Variants in FAM184A observed in about 807,000 individuals in gnomAD.
FAM184A encodes the protein protein FAM184A.
Under a neutral mutation model 143.8 loss-of-function variants are expected in FAM184A, and 99 were observed. The observed-to-expected ratio is 0.69, with a 90% CI of 0.58 to 0.81. FAM184A has a LOEUF of 0.81. Ranked by LOEUF, FAM184A falls within the 40% of genes least tolerant of loss-of-function variation. The pLI is 0.00. For synonymous variants in FAM184A, 427 were observed against 446.4 expected, an observed-to-expected ratio of 0.96 and a Z score of 0.55; for missense variants, 1,217 against 1,310.5, an observed-to-expected ratio of 0.93 and a Z score of 1.10.
intron 17 of FAM184A, 64 bp downstream of exon 17, chr6:118,961,697 G>A (rs1435136465): frequency 7.6e-7 from 1 of 1,316,382 alleles, no homozygotes; most frequent in Admixed American, 1.9e-5. Context: ...TTTCTGCAAT[G>A]TAAGAAGGTA....
At chr6:119,098,277 A>G (rs1788559800) in intron 1 of FAM184A, among the ~76,000 whole-genome samples, 1 of 152,206 alleles carries the variant, frequency 6.6e-6, no homozygotes, top group South Asian at 2.1e-4. Context: ...AGGCCTTCCC[A>G]GCCACGTGGA....
chr6:119,003,573 A>T lies in FAM184A; in HGVS notation c.1865T>A (p.Met622Lys). ...RQQHEETIAAMKEEEKLKVDK... is the reference protein window; with the variant it reads ...RQQHEETIAAKKEEEKLKVDK... ...CACTTTGAGCTTCTCTTCTTCTTTC[A>T]TGGCAGCAATTGTTTCTTCATGCTG... Residue 622 changes from methionine to lysine, a missense_variant, in exon 8 of 18, where the codon ATG (methionine) becomes AAG (lysine). By Grantham distance (95) the Met-to-Lys change is moderately conservative. Transcript: ENST00000338891. 6.2e-7 allele frequency: 1 copy of T among 1,612,738 alleles called. No individual in the cohort carries two copies. Among genetic ancestry groups the T allele is most frequent in the Non-Finnish European group, 8.5e-7 (1 of 1,179,330 alleles).
At chr6:119,053,584 T>C (rs9401118) in intron 1 of FAM184A, among the ~76,000 whole-genome samples, 64,020 of 152,072 alleles carry the variant, frequency 0.42, 15,302 homozygotes, top group East Asian at 0.75. Context: ...TTGATCACTA[T>C]GGCAATATTT....
At chr6:119,117,318 A>C (rs1789085963) in intron 1 of FAM184A, among the ~76,000 whole-genome samples, 1 of 152,214 alleles carries the variant, frequency 6.6e-6, no homozygotes, top group Admixed American at 6.5e-5. Flanking sequence ...GCCCTTAACT[A>C]GGCTAGGAAA....
chr6:118,986,829 T>C (rs1784211574), intron 9 of FAM184A, among the ~76,000 whole-genome samples: 1 of 152,220 alleles, frequency 6.6e-6, no homozygotes, highest in Non-Finnish European at 1.5e-5. Flanking sequence ...AAAATGTCTA[T>C]ATTGATATAG....
Position 118,976,005 on chromosome 6 carries a change from G to C in FAM184A, c.2495C>G (p.Ala832Gly). 6.2e-7 allele frequency: 1 copy of C among 1,613,252 alleles called. No homozygotes were observed. The highest frequency in any genetic ancestry group is 8.5e-7 in the Non-Finnish European group (1 of 1,179,802). Residue 832 changes from alanine (A) to glycine (G), a missense_variant, in exon 12 of 18, where the codon GCA becomes GGA. Physicochemically the swap from Ala to Gly is moderately conservative, Grantham distance 60 (BLOSUM62 0). Transcript: ENST00000338891. The part of the protein sequence containing the change: ...RSELNHQHAA[A>G]IDLLRHNHHQ... ...ATGATTATGCCGTAACAAATCAATTGCAGCTGCATGTTGATGGTTGAGTTC... is the reference window on the plus strand; with the variant it reads ...ATGATTATGCCGTAACAAATCAATTCCAGCTGCATGTTGATGGTTGAGTTC...
intron 7 of FAM184A, among the ~76,000 whole-genome samples, chr6:119,003,918 G>T (rs995232330): frequency 6.6e-6 from 1 of 151,992 alleles, no homozygotes; most frequent in Non-Finnish European, 1.5e-5. Flanking sequence ...CATATATTAG[G>T]TATCTAACGG....
intron 14 of FAM184A, among the ~76,000 whole-genome samples, chr6:118,970,471 G>A (rs546490032): frequency 4.1e-4 from 62 of 152,088 alleles, no homozygotes; most frequent in African/African-American, 1.4e-3. Flanking sequence ...TAGAATAAAG[G>A]ATAAAATTTT....
chr6:118,974,531 C>T lies in FAM184A; in HGVS notation c.2812G>A (p.Asp938Asn). ...DLNKRLEKEL[D>N]VMTADHLREK... is the part of the protein sequence containing the mutation. ...CTGAGGTGGTCTGCTGTCATGACATCCAACTCTTTTTCAAGTCTCTTGTTT... is the reference window on the plus strand; with the variant it reads ...CTGAGGTGGTCTGCTGTCATGACATTCAACTCTTTTTCAAGTCTCTTGTTT... Residue 938 changes from aspartate (D) to asparagine (N), a missense_variant, in exon 14 of 18, where the codon GAT (aspartate) becomes AAT (asparagine). Asp to Asn is a conservative substitution (Grantham distance 23). Transcript: ENST00000338891. The T allele has an allele frequency of 6.2e-7, 1 of 1,609,956 alleles. No individual in the cohort carries two copies. The highest frequency in any genetic ancestry group is 1.1e-5 in the South Asian group (1 of 89,964).
At chr6:118,984,429 C>T (rs114648425) in intron 9 of FAM184A, among the ~76,000 whole-genome samples, 2,812 of 151,788 alleles carry the variant, frequency 0.019, 99 homozygotes, top group African/African-American at 0.065. Flanking sequence ...CCTCCTGCCT[C>T]AGTGTCTAAA....
At chr6:118,983,354 A>G (rs1481313369) in intron 9 of FAM184A, among the ~76,000 whole-genome samples, 1 of 152,162 alleles carries the variant, frequency 6.6e-6, no homozygotes, top group African/African-American at 2.4e-5. Flanking sequence ...AGAAATACAT[A>G]TTAATGTAAA....
chr6:118,989,035 C>T (rs913015574), intron 9 of FAM184A, among the ~76,000 whole-genome samples: 1 of 146,984 alleles, frequency 6.8e-6, no homozygotes. Context: ...GATCTCGGCT[C>T]GGTGCAAGCT....
intron 1 of FAM184A, among the ~76,000 whole-genome samples, chr6:119,125,026 C>A (rs1188540590): frequency 6.6e-6 from 1 of 152,158 alleles, no homozygotes; most frequent in African/African-American, 2.4e-5. Context: ...TTTACTAACG[C>A]TTTGAAAGTG....
chr6:118,960,879 C>A, intron 17 of FAM184A: 5 of 1,293,444 alleles, frequency 3.9e-6, no homozygotes, highest in South Asian at 3.7e-5. Flanking sequence ...CATACCCATG[C>A]ACAAGGGAAA....
At position 119,067,394 on chromosome 6, in the gene FAM184A, T is replaced by C. The variant is rs76223933; in HGVS notation, c.159+10747A>G. 4.2e-4 allele frequency among the ~76,000 whole-genome samples: 64 copies of C among 152,308 alleles called. No individual in the cohort carries two copies. The East Asian group carries it at 0.012, about 29-fold the overall frequency. On this transcript the variant is annotated intron_variant, in intron 1 of 17. Transcript: ENST00000338891. ...CAGCAGGAGCTAAGAAAACAGCAGATGCAAAGTTGTGCTTCCATTTTTAGA... is the reference window on the plus strand; with the variant it reads ...CAGCAGGAGCTAAGAAAACAGCAGACGCAAAGTTGTGCTTCCATTTTTAGA...
In FAM184A at chr6:119,016,922, G is replaced by T; in HGVS notation, c.1355C>A (p.Thr452Asn). 1.2e-6 allele frequency: 2 copies of T among 1,609,086 alleles called. No homozygotes were observed. The highest frequency in any genetic ancestry group is 1.3e-5 in the African/African-American group (1 of 74,634). ...LEKKVNEAKR[T>N]QQEYYERELK... is the part of the protein sequence containing the mutation. The stretch of plus-strand genomic sequence containing the variant: ...TTCCCTTTCATAATATTCTTGCTGA[G>T]TTCTCTTTGCTTCATTTACTTTCTA... The change falls in exon 5 of 18, where the codon ACT becomes AAT. Residue 452 changes from threonine (T) to asparagine (N), a missense_variant. Transcript: ENST00000338891.
At position 119,078,493 on chromosome 6, in the gene FAM184A, G is replaced by T. The variant is rs1787963126; in HGVS notation, c.-194C>A. ...CTGGAAGGGACGGGGCGGTCCCGCC[G>T]GCCCGAAGCCGCGGGGACAACGGCG... On this transcript the variant is annotated 5_prime_UTR_variant, in exon 1 of 18. Coordinates refer to ENST00000338891, the MANE Select transcript of FAM184A (RefSeq NM_024581.6). This position sits in a 1 kb window ranked among gnomAD's most constrained non-coding sequence, Gnocchi z 5.5. The T allele has an allele frequency of 2.3e-6, 1 of 439,770 alleles. No homozygotes were observed. The highest frequency in any genetic ancestry group is 3.7e-6 in the Non-Finnish European group (1 of 268,584). 27.2% of individuals were successfully genotyped at this position (439,770 alleles called of 1,614,324 possible). A position where few individuals can be genotyped will look rare whatever the true frequency, so the allele number is the denominator to read the frequency against.
Position 119,078,437 on chromosome 6 carries a change from C to T in FAM184A, c.-138G>A, listed in dbSNP as rs1366560386. 7 of 875,888 alleles carry T rather than the reference C, an allele frequency of 8.0e-6. No individual in the cohort carries two copies. The highest frequency in any genetic ancestry group is 1.1e-5 in the Non-Finnish European group (7 of 628,998). 54.3% of individuals were successfully genotyped at this position (875,888 alleles called of 1,614,324 possible). On this transcript the variant is annotated 5_prime_UTR_variant, in exon 1 of 18. Coordinates refer to ENST00000338891, the MANE Select transcript of FAM184A (RefSeq NM_024581.6). This position sits in a 1 kb window ranked among gnomAD's most constrained non-coding sequence, Gnocchi z 5.5. The stretch of plus-strand genomic sequence containing the variant: ...GGCGCCCCCCAGACTCGGCCGCAGG[C>T]GCCGTCCCACCCGCGACCCCCGGGT...
chr6:118,992,551 T>C (rs1784412226), intron 9 of FAM184A, among the ~76,000 whole-genome samples: 1 of 152,200 alleles, frequency 6.6e-6, no homozygotes, highest in Non-Finnish European at 1.5e-5. Context: ...TAGCTGTCTA[T>C]GCACCAAGAA....
Sources: allele counts gnomAD v4.1 joint callset (sites outside exome capture counted in the v4.1 genomes callset), GRCh38; gene constraint gnomAD v4.1.1; non-coding constraint Gnocchi (gnomAD v3.1); transcripts MANE v1.5; gene names NCBI Gene and HGNC (gene_info 2026-07-23, HGNC 2026-07-21).